Variants in EPAS1 observed in about 807,000 individuals in gnomAD.
The protein encoded by EPAS1 is endothelial PAS domain-containing protein 1.
In EPAS1, 23 loss-of-function variants were observed where a neutral mutation model predicts 87.9. That is an observed-to-expected ratio of 0.26 (90% confidence interval 0.19 to 0.37). EPAS1 has a LOEUF of 0.37. EPAS1 is among the 10% of genes least tolerant of loss of function. The probability of loss-of-function intolerance (pLI) is 1.00; values close to 1 mark genes in which losing one functional copy is unlikely to be tolerated. For synonymous variants in EPAS1, 508 were observed against 444.3 expected, an observed-to-expected ratio of 1.14 and a Z score of -1.80; for missense variants, 1,138 against 1,120.7, an observed-to-expected ratio of 1.02 and a Z score of -0.22.
Position 46,336,805 on chromosome 2 carries a change from C to G in EPAS1, c.27-10068C>G, listed in dbSNP as rs115442352. ...GGAAGGCAGAATCCCAGGCTTCAGC[C>G]CAGATCCTACTGAGCCTGCACTGTA... On this transcript the variant is annotated intron_variant, in intron 1 of 15. Coordinates refer to ENST00000263734, the MANE Select transcript of EPAS1 (RefSeq NM_001430.5). 9.4e-3 allele frequency among the ~76,000 whole-genome samples: 1,428 copies of G among 152,268 alleles called. 24 individuals carry two copies. Among genetic ancestry groups the G allele is most frequent in the African/African-American group, 0.032 (1,320 of 41,536 alleles).
intron 7 of EPAS1, 132 bp downstream of exon 7, chr2:46,370,065 T>C (rs771035865): frequency 1.6e-4 from 122 of 756,422 alleles, no homozygotes; most frequent in Non-Finnish European, 2.6e-4. Flanking sequence ...CAGACAAGAC[T>C]TATGCCCTCA....
chr2:46,304,575 T>A (rs557939196), intron 1 of EPAS1, among the ~76,000 whole-genome samples: 60 of 152,328 alleles, frequency 3.9e-4, no homozygotes, highest in African/African-American at 1.4e-3. Flanking sequence ...GGATTGAAGA[T>A]CTGAAAGGCC....
chr2:46,384,355 C>A, intron 15 of EPAS1, 154 bp from the exon 16 acceptor site: 2 of 1,075,406 alleles, frequency 1.9e-6, no homozygotes, highest in Non-Finnish European at 2.8e-6. Flanking sequence ...CAGACACGTT[C>A]CCCGGGCATG....
At chr2:46,308,206 T>C (rs555219669) in intron 1 of EPAS1, among the ~76,000 whole-genome samples, 1 of 152,194 alleles carries the variant, frequency 6.6e-6, no homozygotes, top group South Asian at 2.1e-4. Flanking sequence ...TTCAAATAGC[T>C]CCTACTTTTC....
chr2:46,382,043 C>T lies in EPAS1; in HGVS notation c.2241C>T (p.Ser747=). Residue 747 remains serine, a synonymous_variant, in exon 14 of 16, where the codon AGC becomes AGT. Transcript: ENST00000263734. ...GGATGAAGAACCTCAGGGGTGGGAG[C>T]TGCCCTTTGATGCCGGACAAGCCAC... The part of the protein sequence containing the change: ...WKRMKNLRGG[S]CPLMPDKPLS... 6.2e-7 allele frequency: 1 copy of T among 1,613,942 alleles called. No individual in the cohort carries two copies. The highest frequency in any genetic ancestry group is 8.5e-7 in the Non-Finnish European group (1 of 1,180,020).
chr2:46,374,146 A>G (rs559505923), intron 7 of EPAS1, among the ~76,000 whole-genome samples: 8 of 152,354 alleles, frequency 5.3e-5, no homozygotes, highest in African/African-American at 1.9e-4. Context: ...TGTGAAGAAG[A>G]AAGCAAAACA....
intron 1 of EPAS1, among the ~76,000 whole-genome samples, chr2:46,336,763 T>G (rs1389446803): frequency 6.6e-6 from 1 of 152,176 alleles, no homozygotes; most frequent in African/African-American, 2.4e-5. Context: ...AGAATCAGCA[T>G]CCTCTGAGGG....
At chr2:46,304,921 C>T (rs1375460375) in intron 1 of EPAS1, among the ~76,000 whole-genome samples, 1 of 152,200 alleles carries the variant, frequency 6.6e-6, no homozygotes, top group Non-Finnish European at 1.5e-5. Context: ...TTCTATAGAG[C>T]CCTTTCGCTG....
intron 6 of EPAS1, among the ~76,000 whole-genome samples, chr2:46,362,094 G>T (rs1005199664): frequency 2.0e-5 from 3 of 152,230 alleles, no homozygotes; most frequent in African/African-American, 7.2e-5. Context: ...TCCTGGCAGA[G>T]ATCTCCCTGC....
chr2:46,303,213 C>T (rs920874445), intron 1 of EPAS1, among the ~76,000 whole-genome samples: 3 of 152,154 alleles, frequency 2.0e-5, no homozygotes, highest in Admixed American at 1.3e-4. Context: ...CACACATAAG[C>T]ACACACAATT....
At chr2:46,345,156 T>C (rs1419042871) in intron 1 of EPAS1, among the ~76,000 whole-genome samples, 1 of 152,202 alleles carries the variant, frequency 6.6e-6, no homozygotes, top group African/African-American at 2.4e-5. Flanking sequence ...CTTATTTATA[T>C]TTTTATAGAG....
intron 1 of EPAS1, among the ~76,000 whole-genome samples, chr2:46,302,858 G>A (rs1034869907): frequency 6.6e-6 from 1 of 152,098 alleles, no homozygotes; most frequent in Non-Finnish European, 1.5e-5. Context: ...CAGATCACGA[G>A]GTCAGGAGTT....
chr2:46,312,960 A>C (rs1297552314), intron 1 of EPAS1, among the ~76,000 whole-genome samples: 3 of 152,154 alleles, frequency 2.0e-5, no homozygotes, highest in Non-Finnish European at 1.5e-5. Context: ...AAACCTAAAG[A>C]GCTACATCTG....
chr2:46,312,710 C>T (rs1271200029), intron 1 of EPAS1, among the ~76,000 whole-genome samples: 8 of 152,144 alleles, frequency 5.3e-5, no homozygotes, highest in Non-Finnish European at 1.2e-4. Context: ...TTAGTTTTTA[C>T]TAATAATGAT....
Position 46,378,892 on chromosome 2 carries a change from C to A in EPAS1, c.1554+125C>A, listed in dbSNP as rs1684819400. On this transcript the variant is annotated intron_variant, in intron 11 of 15. Transcript: ENST00000263734. The stretch of plus-strand genomic sequence containing the variant: ...AGCAGTGGAGACGTTTGGCCAAGGC[C>A]CAGGTCCCCTAAAGAGGTAGGGGTA... The A allele has an allele frequency of 1.2e-5, 11 of 901,692 alleles. No individual in the cohort carries two copies. In the South Asian group the frequency reaches 1.5e-4, roughly 12 times the overall value. 55.9% of individuals were successfully genotyped at this position (901,692 alleles called of 1,614,324 possible).
At chr2:46,339,163 T>C (rs972834231) in intron 1 of EPAS1, among the ~76,000 whole-genome samples, 1 of 152,260 alleles carries the variant, frequency 6.6e-6, no homozygotes, top group Non-Finnish European at 1.5e-5. Context: ...GAATTCTTAA[T>C]GGGATATCCT....
chr2:46,315,835 A>G (rs533324301), intron 1 of EPAS1, among the ~76,000 whole-genome samples: 2 of 152,230 alleles, frequency 1.3e-5, no homozygotes, highest in African/African-American at 2.4e-5. Flanking sequence ...TTATAGCACA[A>G]GGGGAGTTGG....
chr2:46,304,091 C>T (rs970418881), intron 1 of EPAS1, among the ~76,000 whole-genome samples: 4 of 152,238 alleles, frequency 2.6e-5, no homozygotes, highest in African/African-American at 7.2e-5. Flanking sequence ...AATGTTCCAT[C>T]ATCCTCAAAC....
chr2:46,297,726 C>G lies in EPAS1; in HGVS notation c.-186C>G. ...TCCTCCCAGTCACCTTTCTCCACCC[C>G]CGCCCCCGCACCTAGCCCGCCGCGC... On this transcript the variant is annotated 5_prime_UTR_variant, in exon 1 of 16. Coordinates refer to ENST00000263734, the MANE Select transcript of EPAS1 (RefSeq NM_001430.5). 1 of 664,656 alleles carries G rather than the reference C, an allele frequency of 1.5e-6. No individual in the cohort carries two copies. The highest frequency in any genetic ancestry group is 2.9e-5 in the Admixed American group (1 of 34,304). 41.2% of individuals were successfully genotyped at this position (664,656 alleles called of 1,614,324 possible). A position where few individuals can be genotyped will look rare whatever the true frequency, so the allele number is the denominator to read the frequency against.
Sources: allele counts gnomAD v4.1 joint callset (sites outside exome capture counted in the v4.1 genomes callset), GRCh38; gene constraint gnomAD v4.1.1; transcripts MANE v1.5; gene names NCBI Gene and HGNC (gene_info 2026-07-23, HGNC 2026-07-21).